The following CHN1 variants were observed in gnomAD, a reference collection of about 807,000 sequenced individuals.
CHN1 encodes chimerin 1, also known as N-chimaerin.
In CHN1, 37 loss-of-function variants were observed where a neutral mutation model predicts 59.5. The observed-to-expected ratio is 0.62, with a 90% CI of 0.48 to 0.82. The LOEUF (loss-of-function observed/expected upper bound fraction) is 0.82, where lower values mean the gene tolerates loss of function less well. CHN1 is among the 40% of genes least tolerant of loss of function. The pLI is 0.00. For missense variants in CHN1, 469 were observed against 571.0 expected (o/e 0.82, Z 1.82); for synonymous variants, 206 against 200.4 (o/e 1.03, Z -0.24).
intron 3 of CHN1, 26 bp from the exon 4 acceptor site, chr2:174,918,591 A>C (rs374345116): frequency 4.3e-5 from 68 of 1,575,314 alleles, no homozygotes; most frequent in Non-Finnish European, 5.7e-5. Context: ...AAAAACAGGC[A>C]TATTTGTAAA....
At chr2:174,977,232 A>G (rs1042868517) in intron 1 of CHN1, among the ~76,000 whole-genome samples, 2 of 152,212 alleles carry the variant, frequency 1.3e-5, no homozygotes, top group Admixed American at 1.3e-4. Flanking sequence ...TGGCTTTCCT[A>G]ATAAAACTCT....
At chr2:174,807,260 C>T (rs747283015) in intron 11 of CHN1, among the ~76,000 whole-genome samples, 2 of 152,128 alleles carry the variant, frequency 1.3e-5, no homozygotes, top group African/African-American at 4.8e-5. Context: ...CTAGATATGG[C>T]GGTGTGTGGA....
intron 7 of CHN1, among the ~76,000 whole-genome samples, chr2:174,830,664 A>G (rs1685850647): frequency 6.6e-6 from 1 of 152,204 alleles, no homozygotes; most frequent in Non-Finnish European, 1.5e-5. Context: ...GCTGAAACAT[A>G]GCTTTAAGCA....
At chr2:174,838,301 C>G (rs534181840) in intron 7 of CHN1, among the ~76,000 whole-genome samples, 1 of 152,256 alleles carries the variant, frequency 6.6e-6, no homozygotes, top group South Asian at 2.1e-4. Context: ...CCATGTTGGT[C>G]AGGCTGGTCT....
intron 6 of CHN1, among the ~76,000 whole-genome samples, chr2:174,854,010 A>G (rs1574091925): frequency 1.3e-5 from 2 of 152,158 alleles, no homozygotes; most frequent in African/African-American, 4.8e-5. Context: ...AGTGCAATAT[A>G]CCCATGTCAC....
At chr2:174,838,860 CA>C (rs1457956132) in intron 7 of CHN1, among the ~76,000 whole-genome samples, 1 of 151,826 alleles carries the variant, frequency 6.6e-6, no homozygotes. Flanking sequence ...ATTAAAAACA[CA>C]AAAATGTGGT....
intron 7 of CHN1, among the ~76,000 whole-genome samples, chr2:174,845,120 G>A (rs1686461950): frequency 6.6e-6 from 1 of 152,134 alleles, no homozygotes; most frequent in Non-Finnish European, 1.5e-5. Context: ...CACAAAAAGA[G>A]TTTGTTTATG....
rs189961096 is a variant in CHN1 at position 174,904,235 on chromosome 2, G to A, written c.260+10823C>T. ...AGATTGTGCCATTGCACTCCAGCCT[G>A]AGCAACAAGAGCAAAACTCCGTCTC... On this transcript the variant is annotated intron_variant, in intron 5 of 12. Transcript: ENST00000409900. 6.9e-4 allele frequency among the ~76,000 whole-genome samples: 105 copies of A among 151,698 alleles called. 2 individuals carry two copies. In the East Asian group the frequency reaches 0.019, roughly 28 times the overall value.
At chr2:174,849,656 A>G (rs534367467) in intron 6 of CHN1, among the ~76,000 whole-genome samples, 92 of 152,312 alleles carry the variant, frequency 6.0e-4, no homozygotes, top group African/African-American at 2.2e-3. Flanking sequence ...TATAGAATCT[A>G]TTAATTACGG....
Position 174,799,439 on chromosome 2 carries a change from C to T in CHN1, c.*677G>A, listed in dbSNP as rs192645480. On this transcript the variant is annotated 3_prime_UTR_variant, in exon 13 of 13. Coordinates refer to ENST00000409900, the MANE Select transcript of CHN1 (RefSeq NM_001822.7). ...AATTTAATAAATTAATAAACGCATG[C>T]CAGAAAAAATACCAAATTACAACTG... 0.011 allele frequency: 5,208 copies of T among 462,550 alleles called. 58 individuals carry two copies. Among genetic ancestry groups the T allele is most frequent in the Middle Eastern group, 0.035 (54 of 1,546 alleles). The allele number at this position is 462,550 out of a possible 1,614,324, so 28.7% of individuals were successfully genotyped here. A position where few individuals can be genotyped will look rare whatever the true frequency, so the allele number is the denominator to read the frequency against.
At chr2:174,912,842 C>A (rs1688741192) in intron 5 of CHN1, among the ~76,000 whole-genome samples, 1 of 152,144 alleles carries the variant, frequency 6.6e-6, no homozygotes, top group South Asian at 2.1e-4. Context: ...ATTACAGCCC[C>A]TTTTTACTCA....
intron 6 of CHN1, among the ~76,000 whole-genome samples, chr2:174,859,461 A>C (rs1198443320): frequency 2.0e-5 from 3 of 152,162 alleles, no homozygotes; most frequent in Non-Finnish European, 4.4e-5. Flanking sequence ...TAACTGGTTT[A>C]ATAATCCGGT....
At chr2:174,981,885 T>G (rs1016677026) in intron 1 of CHN1, among the ~76,000 whole-genome samples, 1 of 152,160 alleles carries the variant, frequency 6.6e-6, no homozygotes, top group African/African-American at 2.4e-5. Flanking sequence ...CATGTTGGTG[T>G]GCTGCACCCA....
chr2:174,917,560 C>A (rs1248884761), intron 4 of CHN1, among the ~76,000 whole-genome samples: 1 of 151,948 alleles, frequency 6.6e-6, no homozygotes, highest in East Asian at 1.9e-4. Context: ...AAATTTCTAA[C>A]CCCCAAGACC....
rs754251428 is a variant in CHN1, at chr2:174,800,307, G to A, written c.1209-20C>T. The A allele has an allele frequency of 1.4e-6, 2 of 1,418,814 alleles. No individual in the cohort carries two copies. The highest frequency in any genetic ancestry group is 1.8e-6 in the Non-Finnish European group (2 of 1,083,188). The allele number at this position is 1,418,814 out of a possible 1,614,324, so 87.9% of individuals were successfully genotyped here. A position where few individuals can be genotyped will look rare whatever the true frequency, so the allele number is the denominator to read the frequency against. ...GTCACTCTGAAAAATGCAAGTACAG[G>A]AATAAATGACTTTGTGTAAGCCATA... is the stretch of plus-strand genomic sequence containing the variant. On this transcript the variant is annotated intron_variant, in intron 12 of 12. Transcript: ENST00000409900.
intron 1 of CHN1, among the ~76,000 whole-genome samples, chr2:174,973,899 A>AAT (rs771595247): frequency 1.6e-4 from 24 of 152,232 alleles, no homozygotes; most frequent in Non-Finnish European, 3.1e-4. Context: ...CAGGGAAAGA[A>AAT]ATATAGATGT....
intron 3 of CHN1, among the ~76,000 whole-genome samples, chr2:174,937,734 ACTCT>A (rs959143527): frequency 1.3e-5 from 2 of 151,070 alleles, no homozygotes; most frequent in African/African-American, 4.9e-5. Context: ...GTGAGTTCTT[ACTCT>A]CTTAGTTACC....
chr2:174,984,366 CT>C (rs397986749), intron 1 of CHN1, among the ~76,000 whole-genome samples: 1,303 of 117,174 alleles, frequency 0.011, 18 homozygotes, highest in African/African-American at 0.033. Flanking sequence ...GTTTTATAAG[CT>C]TTTTTTTTTT....
At chr2:174,880,149 A>T (rs1020044610) in intron 5 of CHN1, among the ~76,000 whole-genome samples, 2 of 152,202 alleles carry the variant, frequency 1.3e-5, no homozygotes, top group Non-Finnish European at 1.5e-5. Flanking sequence ...CCTGTACTTC[A>T]GCTCCAGGCT....
Sources: allele counts gnomAD v4.1 joint callset (sites outside exome capture counted in the v4.1 genomes callset), GRCh38; gene constraint gnomAD v4.1.1; transcripts MANE v1.5; gene names NCBI Gene and HGNC (gene_info 2026-07-23, HGNC 2026-07-21).